NUP93: variants seen among roughly 807,000 people sequenced by gnomAD.
NUP93 encodes nuclear pore complex protein Nup93.
NUP93 carries 55 observed loss-of-function variants against 107.8 expected under a neutral mutation model. That is an observed-to-expected ratio of 0.51 (90% confidence interval 0.41 to 0.64). The LOEUF (loss-of-function observed/expected upper bound fraction) is 0.64. Among genes scored for constraint, NUP93 ranks in the 30% least tolerant of loss-of-function variants. NUP93 has a pLI of 0.00. For synonymous variants in NUP93, 390 were observed against 397.5 expected (o/e 0.98, Z 0.22); for missense variants, 937 against 1,044.7 (o/e 0.90, Z 1.42).
At chr16:56,735,616 G>A (rs1961598637) in intron 1 of NUP93, among the ~76,000 whole-genome samples, 1 of 151,996 alleles carries the variant, frequency 6.6e-6, no homozygotes, top group African/African-American at 2.4e-5. Context: ...AGGCCAAGGC[G>A]AGCGGATCAC....
At chr16:56,837,511 C>A in intron 17 of NUP93, 97 bp from the exon 18 acceptor site, 1 of 973,254 alleles carries the variant, frequency 1.0e-6, no homozygotes, top group South Asian at 1.4e-5. Flanking sequence ...AAATGTCACC[C>A]CAGAAAGTTC....
intron 1 of NUP93, among the ~76,000 whole-genome samples, chr16:56,737,963 C>T (rs1283665015): frequency 1.3e-5 from 2 of 152,256 alleles, no homozygotes; most frequent in African/African-American, 2.4e-5. Flanking sequence ...GCCAAAGCCA[C>T]AGGCCCTTTG....
At chr16:56,783,451 G>A in intron 3 of NUP93, 1 of 984,226 alleles carries the variant, frequency 1.0e-6, no homozygotes, top group Non-Finnish European at 1.2e-6. Flanking sequence ...CTGACCCAGT[G>A]CAGCATTGCA....
intron 2 of NUP93, among the ~76,000 whole-genome samples, chr16:56,748,989 TG>T (rs1436068112): frequency 1.3e-5 from 2 of 151,688 alleles, no homozygotes; most frequent in Non-Finnish European, 2.9e-5. Flanking sequence ...AACAGGAGAG[TG>T]GGTGAGCCCT....
chr16:56,814,711 A>G (rs1185826696), intron 5 of NUP93, among the ~76,000 whole-genome samples: 1 of 152,226 alleles, frequency 6.6e-6, no homozygotes, highest in Middle Eastern at 3.4e-3. Context: ...GTTTTTCCAC[A>G]TATCTGTCTC....
intron 2 of NUP93, among the ~76,000 whole-genome samples, chr16:56,748,732 A>G (rs116891508): frequency 2.6e-3 from 402 of 152,232 alleles, no homozygotes; most frequent in Non-Finnish European, 4.3e-3. Flanking sequence ...CTTGGGTTCA[A>G]TGATCATTGG....
rs1445853724 is a variant in NUP93, at chr16:56,782,179, G to A, written c.298-16297G>A. The A allele has an allele frequency of 7.1e-6, 7 of 985,208 alleles. No individual in the cohort carries two copies. The South Asian group carries it at 1.9e-4, about 26-fold the overall frequency. The allele number at this position is 985,208 out of a possible 1,614,324, so 61.0% of individuals were successfully genotyped here. ...AAGAGCTGCAGTGATCGACAGCATC[G>A]ACCGTTCTGTAACTCCTTAAATTTA... On this transcript the variant is annotated intron_variant, in intron 3 of 21. Transcript: ENST00000308159.
chr16:56,818,634 A>G (rs777623492), intron 5 of NUP93, 30 bp from the exon 6 acceptor site: 4 of 1,562,616 alleles, frequency 2.6e-6, no homozygotes, highest in Non-Finnish European at 3.5e-6. Context: ...TACTGTCCCT[A>G]ACTGATTCTG....
chr16:56,814,676 TCA>T (rs1182285291), intron 5 of NUP93, among the ~76,000 whole-genome samples: 1 of 152,214 alleles, frequency 6.6e-6, no homozygotes, highest in African/African-American at 2.4e-5. Context: ...GAGACTTTTC[TCA>T]GTTTGTGCTC....
Position 56,836,681 on chromosome 16 carries a change from G to A in NUP93, c.1863G>A (p.Leu621=). ...KVASVAENKG[L]FEEAAKLYDL... ...CTTCTGTGGCAGAAAATAAAGGACT[G>A]TTTGAAGAGGCAGCAAAGCTGTATG... The change falls in exon 17 of 22, where the codon CTG becomes CTA. Residue 621 remains leucine, a synonymous_variant. Coordinates refer to ENST00000308159, the MANE Select transcript of NUP93 (RefSeq NM_014669.5). 1 of 1,614,024 alleles carries A rather than the reference G, an allele frequency of 6.2e-7. No homozygotes were observed. The highest frequency in any genetic ancestry group is 8.5e-7 in the Non-Finnish European group (1 of 1,179,898).
At chr16:56,771,611 C>T (rs1274373642) in intron 3 of NUP93, among the ~76,000 whole-genome samples, 2 of 152,138 alleles carry the variant, frequency 1.3e-5, no homozygotes, top group Admixed American at 1.3e-4. Context: ...TGCTGGTTAA[C>T]TAAATTAGAG....
intron 5 of NUP93, among the ~76,000 whole-genome samples, chr16:56,818,271 T>C (rs1487100033): frequency 6.6e-6 from 1 of 152,134 alleles, no homozygotes; most frequent in Non-Finnish European, 1.5e-5. Flanking sequence ...CCTGATATGA[T>C]TGATGAAAAA....
At position 56,839,579 on chromosome 16, in the gene NUP93, C is replaced by T. The variant is rs1209870688; in HGVS notation, c.2195C>T (p.Ala732Val). 1.9e-6 allele frequency: 3 copies of T among 1,613,934 alleles called. No individual in the cohort carries two copies. The highest frequency in any genetic ancestry group is 1.7e-4 in the Middle Eastern group (1 of 6,060). The change falls in exon 20 of 22, where the codon GCT (alanine) becomes GTT (valine). Residue 732 changes from alanine (A) to valine (V), a missense_variant. Coordinates refer to ENST00000308159, the MANE Select transcript of NUP93 (RefSeq NM_014669.5). ...LNQESVEERV[A>V]AFRNFSDEIR... is the part of the protein sequence containing the mutation. ...CAGGAAAGTGTGGAAGAGAGAGTGGCTGCCTTCAGAAATTTCAGTGATGAA... is the reference window on the plus strand; with the variant it reads ...CAGGAAAGTGTGGAAGAGAGAGTGGTTGCCTTCAGAAATTTCAGTGATGAA...
intron 5 of NUP93, among the ~76,000 whole-genome samples, chr16:56,815,391 G>T (rs978668754): frequency 1.3e-5 from 2 of 152,182 alleles, no homozygotes; most frequent in East Asian, 3.9e-4. Flanking sequence ...GGAAGACTCA[G>T]AATGAGTCCA....
intron 1 of NUP93, among the ~76,000 whole-genome samples, chr16:56,741,586 C>G (rs779891228): frequency 6.6e-6 from 1 of 151,998 alleles, no homozygotes; most frequent in Non-Finnish European, 1.5e-5. Context: ...TGTTATTTTA[C>G]TGTTATTATT....
chr16:56,827,044 C>CAAAAAAAAAAAAAAAAAAAAAAAAAA (rs1188027635), intron 8 of NUP93, among the ~76,000 whole-genome samples: 6 of 53,610 alleles, frequency 1.1e-4, no homozygotes, highest in African/African-American at 2.1e-4. Context: ...GACTCCGTCT[C>CAAAAAAAAAAAAAAAAAAAAAAAAAA]AAAAAAAAAA....
chr16:56,736,941 C>T (rs1413968437), intron 1 of NUP93, among the ~76,000 whole-genome samples: 1 of 152,222 alleles, frequency 6.6e-6, no homozygotes. Context: ...CCAACTCTCA[C>T]CTTGGTAATG....
intron 1 of NUP93, among the ~76,000 whole-genome samples, chr16:56,740,166 G>A (rs1278873924): frequency 3.6e-4 from 52 of 143,556 alleles, no homozygotes; most frequent in African/African-American, 7.7e-4. Flanking sequence ...GCTGCCGGGC[G>A]GAGACGCTCC....
intron 18 of NUP93, among the ~76,000 whole-genome samples, chr16:56,838,554 T>C (rs553376935): frequency 6.6e-6 from 1 of 152,316 alleles, no homozygotes; most frequent in South Asian, 2.1e-4. Context: ...GTTTTGATGC[T>C]TTTTATACAT....
Sources: gnomAD v4.1 joint callset for allele counts (sites outside exome capture counted in the v4.1 genomes callset) on GRCh38, gnomAD v4.1.1 for gene constraint, MANE v1.5 for transcripts, NCBI Gene and HGNC (gene_info 2026-07-23, HGNC 2026-07-21) for gene names.